Variants in CLIC1 observed in about 807,000 individuals in gnomAD.
CLIC1 encodes the protein CLIC family member 1.
A neutral mutation model predicts 26.4 loss-of-function variants in CLIC1; 16 were observed. The ratio of observed to expected loss-of-function variants is 0.61; its 90% CI spans 0.41 to 0.92. The LOEUF (loss-of-function observed/expected upper bound fraction) is 0.92. Ranked by LOEUF, CLIC1 falls within the 40% of genes least tolerant of loss-of-function variation. The pLI, the probability that CLIC1 is intolerant of heterozygous loss-of-function variation, is 0.00. For missense variants in CLIC1, 225 were observed against 289.7 expected (o/e 0.78, Z 1.62); for synonymous variants, 98 against 120.8 (o/e 0.81, Z 1.24).
At chr6:31,736,710 A>G (rs150796647), upstream of CLIC1, 1,396 of 1,033,426 alleles carry the variant, frequency 1.4e-3, 3 homozygotes, top group Middle Eastern at 7.7e-3. The surrounding 1 kb of genome is among the most constrained non-coding windows in gnomAD (Gnocchi z 5.0). Flanking sequence ...TCTCCTGAAC[A>G]CAGGACTCTT....
rs904976448 is a variant in CLIC1, at chr6:31,734,759, C to T, written c.40-496G>A. Among the ~76,000 whole-genome samples, 20 of 152,128 alleles carry T rather than the reference C, an allele frequency of 1.3e-4. No homozygotes were observed. Among genetic ancestry groups the T allele is most frequent in the African/African-American group, 4.3e-4 (18 of 41,420 alleles). On this transcript the variant is annotated intron_variant, in intron 1 of 5. Coordinates refer to ENST00000375784, the Ensembl canonical transcript of CLIC1. This position sits in a 1 kb window ranked among gnomAD's most constrained non-coding sequence, Gnocchi z 5.3. ...CCTCGCGCTAGAGATGTGGAGGGCC[C>T]TACAGAGAGGGGCTGCCCTCTAATT...
In CLIC1 at chr6:31,734,732, GGCCTC is replaced by G. The variant is rs70990267; in HGVS notation, c.40-474_40-470del. ...TGGGGAGTCTAGTCAAGGGGCCCTG[GGCCTC>G]GCGCTAGAGATGTGGAGGGCCCTAC... On this transcript the variant is annotated intron_variant, in intron 1 of 5. Coordinates refer to ENST00000375784, the Ensembl canonical transcript of CLIC1. This position sits in a 1 kb window ranked among gnomAD's most constrained non-coding sequence, Gnocchi z 5.3. Among the ~76,000 whole-genome samples the G allele has an allele frequency of 8.6e-3, 1,305 of 152,204 alleles. 7 individuals are homozygous for G. Among genetic ancestry groups the G allele is most frequent in the South Asian group, 0.035 (168 of 4,828 alleles).
Position 31,731,007 on chromosome 6 carries a change from A to G in CLIC1, c.565-4T>C, listed in dbSNP as rs774513055. 29 of 1,612,102 alleles carry G rather than the reference A, an allele frequency of 1.8e-5. No homozygotes were observed. The highest frequency in any genetic ancestry group is 2.4e-5 in the Non-Finnish European group (28 of 1,179,686). On this transcript the variant is annotated splice_polypyrimidine_tract_variant and splice_region_variant and intron_variant, in intron 5 of 5. Transcript: ENST00000375784. Reference sequence around the variant, plus strand: ...CCCGGTACTTCTTACACACCACCTGAGGATGGGGAGAGGAGAGGGACCAAC... The same window carrying G: ...CCCGGTACTTCTTACACACCACCTGGGGATGGGGAGAGGAGAGGGACCAAC...
In CLIC1 at chr6:31,732,092, G is replaced by A; in HGVS notation, c.564+125C>T. On this transcript the variant is annotated intron_variant, in intron 5 of 5. Coordinates refer to ENST00000375784, the Ensembl canonical transcript of CLIC1. The surrounding 1 kb of genome is among the most constrained non-coding windows in gnomAD (Gnocchi z 5.0). Reference sequence around the variant, plus strand: ...ACTGGGGTGGGGTCTGCCATTGGTAGCAATTTATGAAAACCACCCTAAGAA... The same window carrying A: ...ACTGGGGTGGGGTCTGCCATTGGTAACAATTTATGAAAACCACCCTAAGAA... The A allele has an allele frequency of 1.4e-6, 1 of 709,294 alleles. No homozygotes were observed. Among genetic ancestry groups the A allele is most frequent in the Non-Finnish European group, 2.1e-6 (1 of 468,306 alleles). The allele number at this position is 709,294 out of a possible 1,614,324, so 43.9% of individuals were successfully genotyped here. A position where few individuals can be genotyped will look rare whatever the true frequency, so the allele number is the denominator to read the frequency against.
Position 31,736,491 on chromosome 6 carries a change from C to T in CLIC1, c.-191G>A, listed in dbSNP as rs1808342593. The T allele has an allele frequency of 7.1e-7, 1 of 1,399,176 alleles. No homozygotes were observed. The highest frequency in any genetic ancestry group is 9.3e-7 in the Non-Finnish European group (1 of 1,076,066). 86.7% of individuals were successfully genotyped at this position (1,399,176 alleles called of 1,614,324 possible). ...CCACCAGCCCAACGCACCCCACACC[C>T]AGCTCCTCCAGCTCGGTCCTCTCCC... On this transcript the variant is annotated 5_prime_UTR_variant, in exon 1 of 6. Transcript: ENST00000375784. This position sits in a 1 kb window ranked among gnomAD's most constrained non-coding sequence, Gnocchi z 5.0.
Position 31,733,935 on chromosome 6 carries a change from C to T in CLIC1, c.176G>A (p.Cys59Tyr). The T allele has an allele frequency of 6.2e-7, 1 of 1,613,878 alleles. No individual in the cohort carries two copies. Among genetic ancestry groups the T allele is most frequent in the East Asian group, 2.2e-5 (1 of 44,876 alleles). Residue 59 changes from cysteine (C) to tyrosine (Y), a missense_variant, in exon 3 of 6, where the codon TGC (cysteine) becomes TAC (tyrosine). Physicochemically the swap from Cys to Tyr is radical, Grantham distance 194. Transcript: ENST00000375784. The surrounding 1 kb of genome is among the most constrained non-coding windows in gnomAD (Gnocchi z 5.4). The stretch of plus-strand genomic sequence containing the variant: ...CAGGAATGGGAGCTGCCCCCCTGGG[C>T]ACAGCTTCTGCACTGTCTCGGTCCG...
At chr6:31,731,331 T>A (rs1807925287) in intron 5 of CLIC1, among the ~76,000 whole-genome samples, 1 of 151,188 alleles carries the variant, frequency 6.6e-6, no homozygotes, top group South Asian at 2.1e-4. Flanking sequence ...TGAGATGGAG[T>A]CTTGCTGTCA....
chr6:31,736,377 A>T lies in CLIC1; in HGVS notation c.-77T>A, dbSNP rs907047799. ...TGGGACCGGGGAAGGCGGGTCTCAC[A>T]CTCAGGGACTCTCTCCCCTAGACCC... On this transcript the variant is annotated 5_prime_UTR_variant, in exon 1 of 6. Coordinates refer to ENST00000375784, the Ensembl canonical transcript of CLIC1. This position sits in a 1 kb window ranked among gnomAD's most constrained non-coding sequence, Gnocchi z 5.0. 2.6e-5 allele frequency: 42 copies of T among 1,609,338 alleles called. No individual in the cohort carries two copies. Among genetic ancestry groups the T allele is most frequent in the Non-Finnish European group, 6.8e-6 (8 of 1,178,930 alleles).
At chr6:31,731,111 T>C in intron 5 of CLIC1, 108 bp from the exon 6 acceptor site, 1 of 886,678 alleles carries the variant, frequency 1.1e-6, no homozygotes, top group East Asian at 2.7e-5. Flanking sequence ...CTCCTCACTG[T>C]CTTGTACTGT....
At position 31,734,852 on chromosome 6, in the gene CLIC1, C is replaced by G. The variant is rs1808224327; in HGVS notation, c.40-589G>C. 6.6e-6 allele frequency among the ~76,000 whole-genome samples: 1 copy of G among 152,082 alleles called. No homozygotes were observed. Among genetic ancestry groups the G allele is most frequent in the African/African-American group, 2.4e-5 (1 of 41,414 alleles). ...AGCTGAGGGTGATTCATCTCTCTGT[C>G]TCCGGCTTCCTTCCTGTCAAGGATG... On this transcript the variant is annotated intron_variant, in intron 1 of 5. Transcript: ENST00000375784. The surrounding 1 kb of genome is among the most constrained non-coding windows in gnomAD (Gnocchi z 5.3).
Position 31,734,160 on chromosome 6 carries a change from G to C in CLIC1, c.143C>G (p.Thr48Ser), listed in dbSNP as rs1303324500. ...GGAACATAAGCAGGCCTACCTTTTG[G>C]TGTCAACGGTGGTAACATTGAAGGT... The change falls in exon 2 of 6, where the codon ACC (threonine) becomes AGC (serine). Residue 48 changes from threonine (T) to serine (S), a missense_variant. Coordinates refer to ENST00000375784, the Ensembl canonical transcript of CLIC1. The surrounding 1 kb of genome is among the most constrained non-coding windows in gnomAD (Gnocchi z 5.3). The C allele has an allele frequency of 1.2e-6, 2 of 1,612,322 alleles. No individual in the cohort carries two copies. Among genetic ancestry groups the C allele is most frequent in the East Asian group, 4.5e-5 (2 of 44,898 alleles).
In CLIC1 at chr6:31,736,304, T is replaced by C. The variant is rs1433940042; in HGVS notation, c.-4A>G. On this transcript the variant is annotated 5_prime_UTR_variant, in exon 1 of 6. Coordinates refer to ENST00000375784, the Ensembl canonical transcript of CLIC1. The surrounding 1 kb of genome is among the most constrained non-coding windows in gnomAD (Gnocchi z 5.0). ...CCTGCGGTTGTTCTTCAGCCATGGT[T>C]GCGTCGGGGACCAGGAAGTGGCCGT... 1.9e-6 allele frequency: 3 copies of C among 1,612,834 alleles called. No individual in the cohort carries two copies. The highest frequency in any genetic ancestry group is 1.7e-5 in the Admixed American group (1 of 60,000).
upstream of CLIC1, chr6:31,736,649 G>C (rs1398094458): frequency 8.6e-7 from 1 of 1,158,094 alleles, no homozygotes; most frequent in Non-Finnish European, 1.1e-6. The surrounding 1 kb of genome is among the most constrained non-coding windows in gnomAD (Gnocchi z 5.0). Context: ...CCACAGGATG[G>C]GGATGGGGGT....
intron 5 of CLIC1, 42 bp from the exon 6 acceptor site, chr6:31,731,045 G>A: frequency 1.9e-6 from 3 of 1,590,432 alleles, no homozygotes; most frequent in Non-Finnish European, 2.6e-6. Flanking sequence ...GTTAGACCCA[G>A]GGAAGCCACC....
Position 31,736,163 on chromosome 6 carries a change from G to T in CLIC1, c.39+99C>A. Reference sequence around the variant, plus strand: ...AGTGCACGTGGGATTGGGGGTGGGAGTCAAGGAGGGAAGGGATTGGGGAGT... The same window carrying T: ...AGTGCACGTGGGATTGGGGGTGGGATTCAAGGAGGGAAGGGATTGGGGAGT... On this transcript the variant is annotated intron_variant, in intron 1 of 5. Transcript: ENST00000375784. The surrounding 1 kb of genome is among the most constrained non-coding windows in gnomAD (Gnocchi z 5.0). The T allele has an allele frequency of 7.9e-7, 1 of 1,272,982 alleles. No individual in the cohort carries two copies. Among genetic ancestry groups the T allele is most frequent in the East Asian group, 2.3e-5 (1 of 42,838 alleles). The allele number at this position is 1,272,982 out of a possible 1,614,324, so 78.9% of individuals were successfully genotyped here.
rs111541859 is a variant in CLIC1, at chr6:31,736,398, G to C, written c.-98C>G. 9,521 of 1,596,952 alleles carry C rather than the reference G, an allele frequency of 6.0e-3. 133 individuals are homozygous for C. The highest frequency in any genetic ancestry group is 0.041 in the East Asian group (1,826 of 44,634). Reference sequence around the variant, plus strand: ...TCACACTCAGGGACTCTCTCCCCTAGACCCAGGGCTGTCCCTTCAGCACAA... The same window carrying C: ...TCACACTCAGGGACTCTCTCCCCTACACCCAGGGCTGTCCCTTCAGCACAA... On this transcript the variant is annotated 5_prime_UTR_variant, in exon 1 of 6. Coordinates refer to ENST00000375784, the Ensembl canonical transcript of CLIC1. The surrounding 1 kb of genome is among the most constrained non-coding windows in gnomAD (Gnocchi z 5.0).
Position 31,736,434 on chromosome 6 carries a change from A to C in CLIC1, c.-134T>G. ...GTCCCTTCAGCACAACACAAGCTCA[A>C]TCAGACCTACTTGCACCCAAACTAG... On this transcript the variant is annotated 5_prime_UTR_variant, in exon 1 of 6. Coordinates refer to ENST00000375784, the Ensembl canonical transcript of CLIC1. This position sits in a 1 kb window ranked among gnomAD's most constrained non-coding sequence, Gnocchi z 5.0. 1 of 1,504,934 alleles carries C rather than the reference A, an allele frequency of 6.6e-7. No individual in the cohort carries two copies. The highest frequency in any genetic ancestry group is 8.9e-7 in the Non-Finnish European group (1 of 1,122,932). The allele number at this position is 1,504,934 out of a possible 1,614,324, so 93.2% of individuals were successfully genotyped here. A position where few individuals can be genotyped will look rare whatever the true frequency, so the allele number is the denominator to read the frequency against.
chr6:31,737,100 T>A, upstream of CLIC1: 4 of 207,050 alleles, frequency 1.9e-5, no homozygotes, highest in Non-Finnish European at 3.4e-5. Flanking sequence ...TTGCAGTCCT[T>A]GTGGCCTACA....
At position 31,732,225 on chromosome 6, in the gene CLIC1, T is replaced by A; in HGVS notation, c.556A>T (p.Ile186Leu). The A allele has an allele frequency of 2.6e-6, 4 of 1,555,448 alleles. No homozygotes were observed. Among genetic ancestry groups the A allele is most frequent in the Non-Finnish European group, 3.5e-6 (4 of 1,150,804 alleles). Residue 186 changes from isoleucine to leucine, a missense_variant, in exon 5 of 6, where the codon ATA (isoleucine) becomes TTA (leucine). By Grantham distance (5) the Ile-to-Leu change is conservative (BLOSUM62 2). Transcript: ENST00000375784. This position sits in a 1 kb window ranked among gnomAD's most constrained non-coding sequence, Gnocchi z 5.0. The stretch of plus-strand genomic sequence containing the variant: ...CCGCAATAACCACACACCTGTACTA[T>A]GTGTAACTTTGGCAACAGGTTGCAG...
Sources: gnomAD v4.1 joint callset for allele counts (sites outside exome capture counted in the v4.1 genomes callset) on GRCh38, gnomAD v4.1.1 for gene constraint, Gnocchi (gnomAD v3.1) non-coding constraint, MANE v1.5 for transcripts, NCBI Gene and HGNC (gene_info 2026-07-23, HGNC 2026-07-21) for gene names.